The following MCTP2 variants were observed in gnomAD, a reference collection of about 807,000 sequenced individuals.
MCTP2 encodes multiple C2 and transmembrane domain containing 2.
A neutral mutation model predicts 111.6 loss-of-function variants in MCTP2; 132 were observed. The ratio of observed to expected loss-of-function variants is 1.18; its 90% CI spans 1.03 to 1.37. MCTP2 has a LOEUF of 1.37. Among genes scored for constraint, MCTP2 ranks in the 40% most tolerant of loss-of-function variants. The pLI is 0.00. For synonymous variants in MCTP2, 395 were observed against 387.7 expected, an observed-to-expected ratio of 1.02 and a Z score of -0.22; for missense variants, 1,183 against 1,067.9, an observed-to-expected ratio of 1.11 and a Z score of -1.50.
chr15:94,326,165 T>G (rs1362549171), intron 4 of MCTP2, among the ~76,000 whole-genome samples: 2 of 152,114 alleles, frequency 1.3e-5, no homozygotes, highest in African/African-American at 4.8e-5. Context: ...TGAAAGAGAA[T>G]CTGGCTTTTA....
chr15:94,287,016 G>A (rs894463459), intron 1 of MCTP2, among the ~76,000 whole-genome samples: 1 of 152,132 alleles, frequency 6.6e-6, no homozygotes, highest in African/African-American at 2.4e-5. Flanking sequence ...CTTGAGTCAT[G>A]GTAGAAAATG....
At chr15:94,321,628 C>G (rs556792578) in intron 4 of MCTP2, among the ~76,000 whole-genome samples, 1 of 152,294 alleles carries the variant, frequency 6.6e-6, no homozygotes, top group East Asian at 1.9e-4. Context: ...GTCAGTTTGC[C>G]AATTTCTCTG....
At chr15:94,425,799 C>T (rs531161283) in intron 17 of MCTP2, among the ~76,000 whole-genome samples, 1 of 152,114 alleles carries the variant, frequency 6.6e-6, no homozygotes, top group Non-Finnish European at 1.5e-5. Flanking sequence ...AAAGCTTATA[C>T]AACAACTTAT....
chr15:94,377,202 G>A (rs1047967236), intron 12 of MCTP2, among the ~76,000 whole-genome samples: 1 of 152,138 alleles, frequency 6.6e-6, no homozygotes, highest in Non-Finnish European at 1.5e-5. Context: ...TTAATTGTCT[G>A]TCTCTTGAAG....
chr15:94,361,586 T>C (rs111411617), intron 10 of MCTP2, among the ~76,000 whole-genome samples: 207 of 152,324 alleles, frequency 1.4e-3, no homozygotes, highest in African/African-American at 4.9e-3. Context: ...GTATTACTTA[T>C]TATTAATTTT....
At chr15:94,430,394 CA>C (rs2083113825) in intron 17 of MCTP2, among the ~76,000 whole-genome samples, 1 of 2,732 alleles carries the variant, frequency 3.7e-4, no homozygotes, top group Admixed American at 3.8e-3. Flanking sequence ...CAAAAACAAT[CA>C]CACACACACA....
chr15:94,326,012 G>C (rs999555091), intron 4 of MCTP2, among the ~76,000 whole-genome samples: 2 of 151,696 alleles, frequency 1.3e-5, no homozygotes, highest in Non-Finnish European at 2.9e-5. Context: ...TAGTGATGGG[G>C]GTTTCACCAT....
Position 94,257,556 on chromosome 15 carries a change from CA to C in MCTP2, c.-66+25893del, listed in dbSNP as rs2072862230. 1.2e-4 allele frequency among the ~76,000 whole-genome samples: 9 copies of C among 75,668 alleles called. No homozygotes were observed. In the South Asian group the frequency reaches 1.8e-3, roughly 15 times the overall value. 49.6% of individuals were successfully genotyped at this position (75,668 alleles called of 152,430 possible). On this transcript the variant is annotated intron_variant, in intron 1 of 22. Coordinates refer to ENST00000357742, the MANE Select transcript of MCTP2 (RefSeq NM_001385001.1). The stretch of plus-strand genomic sequence containing the variant: ...ATCACATTTTAAAAATATTTGTTGT[CA>C]TTTTCTTTGTTGTTTTTTTTTTTTT...
At chr15:94,231,819 T>G (rs570005766) in intron 1 of MCTP2, 155 bp downstream of exon 1, 8 of 152,452 alleles carry the variant, frequency 5.2e-5, no homozygotes, top group African/African-American at 9.7e-5. Flanking sequence ...CGGAGCTGCT[T>G]GTGGTTCAGA....
chr15:94,325,880 C>T (rs1041228423), intron 4 of MCTP2, among the ~76,000 whole-genome samples: 37 of 135,288 alleles, frequency 2.7e-4, no homozygotes, highest in African/African-American at 9.8e-4. Flanking sequence ...AGTACAGTGG[C>T]GCGATCTCGG....
At chr15:94,450,756 T>C (rs926747039) in intron 19 of MCTP2, among the ~76,000 whole-genome samples, 1 of 152,222 alleles carries the variant, frequency 6.6e-6, no homozygotes. Context: ...CTGTGACAAA[T>C]ACTACTCAGT....
rs145116536 is a variant in MCTP2 at position 94,417,428 on chromosome 15, C to T, written c.2085+15409C>T. Among the ~76,000 whole-genome samples, 111 of 152,170 alleles carry T rather than the reference C, an allele frequency of 7.3e-4. 1 individual carries two copies. The East Asian group carries it at 0.018, about 25-fold the overall frequency. On this transcript the variant is annotated intron_variant, in intron 17 of 22. Coordinates refer to ENST00000357742, the MANE Select transcript of MCTP2 (RefSeq NM_001385001.1). ...GCAACAGATTTTGAATGTAACAGGT[C>T]AAAAATTGAATTTGTAGTTGCTGGG...
At chr15:94,356,115 T>C (rs1184448751) in intron 8 of MCTP2, 22 bp from the exon 9 acceptor site, 8 of 1,514,858 alleles carry the variant, frequency 5.3e-6, no homozygotes, top group Non-Finnish European at 7.1e-6. Context: ...AGTTTACATG[T>C]CATCTTTATT....
At chr15:94,300,968 A>G (rs1263836749) in intron 2 of MCTP2, among the ~76,000 whole-genome samples, 4 of 152,090 alleles carry the variant, frequency 2.6e-5, no homozygotes, top group African/African-American at 7.2e-5. Context: ...CTGGTCCATG[A>G]TAGTAGATGT....
chr15:94,383,944 A>T, intron 12 of MCTP2, 78 bp from the exon 13 acceptor site: 1 of 1,047,126 alleles, frequency 9.5e-7, no homozygotes, highest in South Asian at 1.4e-5. Context: ...GCACAACTTT[A>T]TCTGACTCTT....
intron 20 of MCTP2, among the ~76,000 whole-genome samples, chr15:94,465,344 T>C (rs2073177613): frequency 6.6e-6 from 1 of 152,132 alleles, no homozygotes; most frequent in Admixed American, 6.6e-5. Context: ...GTATATGCTA[T>C]GCTTTTTCCT....
chr15:94,389,654 T>G (rs2080754048), intron 14 of MCTP2, among the ~76,000 whole-genome samples: 2 of 152,120 alleles, frequency 1.3e-5, no homozygotes, highest in Admixed American at 1.3e-4. Context: ...AATTGATTTG[T>G]TGGTGTTTCT....
At chr15:94,402,044 A>T (rs914772253) in intron 17 of MCTP2, 25 bp downstream of exon 17, 1 of 1,605,872 alleles carries the variant, frequency 6.2e-7, no homozygotes, top group Admixed American at 1.7e-5. Flanking sequence ...TTATGTTCAA[A>T]CTATTTGCTT....
intron 17 of MCTP2, among the ~76,000 whole-genome samples, chr15:94,418,421 G>A (rs1273870213): frequency 6.6e-6 from 1 of 152,076 alleles, no homozygotes; most frequent in Non-Finnish European, 1.5e-5. Flanking sequence ...CAGAGAATTT[G>A]CTGATGGCTT....
Sources: allele counts gnomAD v4.1 joint callset (sites outside exome capture counted in the v4.1 genomes callset), GRCh38; gene constraint gnomAD v4.1.1; transcripts MANE v1.5; gene names NCBI Gene and HGNC (gene_info 2026-07-23, HGNC 2026-07-21).